The following KLRG2 variants were observed in gnomAD, a reference collection of about 807,000 sequenced individuals.
The protein encoded by KLRG2 is killer cell lectin-like receptor subfamily G member 2.
A neutral mutation model predicts 35.4 loss-of-function variants in KLRG2; 39 were observed. The observed-to-expected ratio is 1.10, with a 90% CI of 0.85 to 1.44. The LOEUF is 1.44. Among genes scored for constraint, KLRG2 ranks in the 40% most tolerant of loss-of-function variants. KLRG2 has a pLI of 0.00. For missense variants in KLRG2, 632 were observed against 570.9 expected (o/e 1.11, Z -1.09); for synonymous variants, 283 against 265.8 (o/e 1.06, Z -0.63).
chr7:139,449,423 T>A (rs1335422454), downstream of KLRG2, among the ~76,000 whole-genome samples: 1 of 151,844 alleles, frequency 6.6e-6, no homozygotes, highest in African/African-American at 2.4e-5. Context: ...ATGGTACTCT[T>A]GTATGGGGCA....
chr7:139,445,099 G>A, the KLRG2 span, among the ~76,000 whole-genome samples: 8 of 146,188 alleles, frequency 5.5e-5, no homozygotes, highest in East Asian at 2.0e-4. Flanking sequence ...TTTTTTTCGA[G>A]TTGGAGTCTC....
At chr7:139,453,774 A>G in intron 4 of KLRG2, 67 bp from the exon 5 acceptor site, 6 of 1,589,534 alleles carry the variant, frequency 3.8e-6, no homozygotes, top group East Asian at 2.3e-5. Flanking sequence ...TCCCAGCCAG[A>G]CCCTCCAGCG....
the KLRG2 span, among the ~76,000 whole-genome samples, chr7:139,430,296 G>A: frequency 2.0e-5 from 3 of 152,134 alleles, no homozygotes; most frequent in African/African-American, 7.2e-5. Flanking sequence ...CAGGTACTTG[G>A]GAGGCTGAGG....
intron 3 of KLRG2, among the ~76,000 whole-genome samples, chr7:139,473,486 G>A (rs987897748): frequency 1.3e-5 from 2 of 151,710 alleles, no homozygotes; most frequent in Non-Finnish European, 2.9e-5. Context: ...CCTCCCACCC[G>A]ACATAGAACA....
In KLRG2 at chr7:139,474,104, C is replaced by T. The variant is rs10260865; in HGVS notation, c.1005+5523G>A. On this transcript the variant is annotated intron_variant, in intron 3 of 4. Transcript: ENST00000340940. ...CACAATCTTGGCTCTGCCACCTCCA[C>T]CTCCTGGGTTCAAGCAATTCTAGTA... is the stretch of plus-strand genomic sequence containing the variant. Among the ~76,000 whole-genome samples the T allele has an allele frequency of 5.4e-3, 823 of 151,634 alleles. 6 individuals carry two copies. Among genetic ancestry groups the T allele is most frequent in the African/African-American group, 0.019 (800 of 41,242 alleles).
chr7:139,447,983 C>T (rs986435888), downstream of KLRG2, among the ~76,000 whole-genome samples: 1 of 152,068 alleles, frequency 6.6e-6, no homozygotes, highest in African/African-American at 2.4e-5. Context: ...AAAAACAATG[C>T]ATAACATTTC....
chr7:139,483,117 G>A lies in KLRG2; in HGVS notation c.526C>T (p.Pro176Ser). 6.8e-7 allele frequency: 1 copy of A among 1,477,208 alleles called. No homozygotes were observed. Among genetic ancestry groups the A allele is most frequent in the Non-Finnish European group, 8.9e-7 (1 of 1,122,566 alleles). 91.5% of individuals were successfully genotyped at this position (1,477,208 alleles called of 1,614,324 possible). Residue 176 changes from proline to serine, a missense_variant, in exon 1 of 5, where the codon CCA becomes TCA. Pro to Ser is a moderately conservative substitution (Grantham distance 74). Coordinates refer to ENST00000340940, the MANE Select transcript of KLRG2 (RefSeq NM_198508.4). ...DPAHQLLLRA[P>S]SQGGTWGRRS... ...CGGCCCCACGTGCCGCCCTGGGATG[G>A]TGCGCGCAGCAGGAGCTGGTGCGCC...
At chr7:139,459,933 G>A (rs920171668) in intron 3 of KLRG2, among the ~76,000 whole-genome samples, 4 of 152,140 alleles carry the variant, frequency 2.6e-5, no homozygotes, top group Non-Finnish European at 4.4e-5. Context: ...TGTATTTTTA[G>A]TAGAGACAGG....
the KLRG2 span, among the ~76,000 whole-genome samples, chr7:139,437,587 G>A: frequency 2.6e-5 from 4 of 152,102 alleles, no homozygotes; most frequent in African/African-American, 9.7e-5. Context: ...TTCCTGAGTA[G>A]CTGGAATTAC....
rs1190821163 is a variant in KLRG2, at chr7:139,452,776, C to T, written c.*811G>A. 2 of 152,424 alleles carry T rather than the reference C, an allele frequency of 1.3e-5. No homozygotes were observed. Among genetic ancestry groups the T allele is most frequent in the African/African-American group, 4.8e-5 (2 of 41,582 alleles). 9.4% of individuals were successfully genotyped at this position (152,424 alleles called of 1,614,324 possible). On this transcript the variant is annotated 3_prime_UTR_variant, in exon 5 of 5. Transcript: ENST00000340940. ...ATGGAGACATCTTCAGGTTGGTCGT[C>T]TCTGCAGCTGTGGGTAGAAGAGCTG... is the stretch of plus-strand genomic sequence containing the variant.
the KLRG2 span, among the ~76,000 whole-genome samples, chr7:139,427,147 G>T: frequency 6.6e-6 from 1 of 152,178 alleles, no homozygotes; most frequent in African/African-American, 2.4e-5. Flanking sequence ...AAAGGTTAGA[G>T]AGCTGAGAGA....
chr7:139,462,206 ACG>A (rs1036359794), intron 3 of KLRG2, among the ~76,000 whole-genome samples: 1 of 152,160 alleles, frequency 6.6e-6, no homozygotes, highest in Non-Finnish European at 1.5e-5. Context: ...GTGTTTAATC[ACG>A]CAGGGATGCC....
chr7:139,477,190 A>G (rs1020560897), intron 3 of KLRG2, among the ~76,000 whole-genome samples: 2 of 152,146 alleles, frequency 1.3e-5, no homozygotes, highest in Non-Finnish European at 2.9e-5. Context: ...TAAAAATAGG[A>G]TTACCATATG....
At chr7:139,452,037 C>T (rs939263519), downstream of KLRG2, among the ~76,000 whole-genome samples, 2 of 147,278 alleles carry the variant, frequency 1.4e-5, no homozygotes, top group African/African-American at 5.1e-5. Flanking sequence ...GGCACAATCT[C>T]GGCTCACTGC....
chr7:139,445,081 ATT>A, the KLRG2 span, among the ~76,000 whole-genome samples: 13,369 of 142,648 alleles, frequency 0.094, 1,765 homozygotes, highest in African/African-American at 0.29. Context: ...CACTATTTCT[ATT>A]TTTTTTTTTT....
chr7:139,452,184 G>A (rs1278480724), downstream of KLRG2, among the ~76,000 whole-genome samples: 1 of 151,954 alleles, frequency 6.6e-6, no homozygotes, highest in Non-Finnish European at 1.5e-5. Flanking sequence ...TGGCCAGGCT[G>A]GCAGGCTGGT....
intron 3 of KLRG2, among the ~76,000 whole-genome samples, chr7:139,467,543 G>T (rs56924329): frequency 4.0e-5 from 6 of 151,896 alleles, no homozygotes; most frequent in Admixed American, 6.6e-5. Flanking sequence ...TACCCCCAAC[G>T]CCGTGCTCTC....
intron 3 of KLRG2, among the ~76,000 whole-genome samples, chr7:139,473,706 G>A (rs1024719369): frequency 8.5e-5 from 13 of 152,268 alleles, no homozygotes; most frequent in South Asian, 2.1e-4. Flanking sequence ...AGGTACAGTG[G>A]CTCACACCTG....
chr7:139,478,094 C>T (rs1215194307), intron 3 of KLRG2, among the ~76,000 whole-genome samples: 1 of 150,026 alleles, frequency 6.7e-6, no homozygotes, highest in Non-Finnish European at 1.5e-5. Flanking sequence ...AAAAGCCAGG[C>T]ACAGTGGCTC....
Sources: gnomAD v4.1 joint callset for allele counts (sites outside exome capture counted in the v4.1 genomes callset) on GRCh38, gnomAD v4.1.1 for gene constraint, MANE v1.5 for transcripts, NCBI Gene and HGNC (gene_info 2026-07-23, HGNC 2026-07-21) for gene names.